The following ERP44 variants were observed in gnomAD, a reference collection of about 807,000 sequenced individuals.
The protein encoded by ERP44 is endoplasmic reticulum resident protein 44.
ERP44 carries 25 observed loss-of-function variants against 53.4 expected under a neutral mutation model. The ratio of observed to expected loss-of-function variants is 0.47; its 90% CI spans 0.34 to 0.65. The LOEUF is 0.65. Ranked by LOEUF, ERP44 falls within the 30% of genes least tolerant of loss-of-function variation. The probability of loss-of-function intolerance (pLI) is 0.01; values close to 1 mark genes in which losing one functional copy is unlikely to be tolerated. For synonymous variants in ERP44, 145 were observed against 161.2 expected, an observed-to-expected ratio of 0.90 and a Z score of 0.76; for missense variants, 338 against 493.2, an observed-to-expected ratio of 0.69 and a Z score of 2.98.
intron 2 of ERP44, 96 bp from the exon 3 acceptor site, chr9:100,057,955 C>T (rs1044251578): frequency 1.1e-6 from 1 of 951,878 alleles, no homozygotes; most frequent in Non-Finnish European, 1.6e-6. Context: ...ATATAAGGGT[C>T]CACTTAAAAA....
At chr9:100,077,552 C>G (rs1370898515) in intron 1 of ERP44, among the ~76,000 whole-genome samples, 1 of 152,206 alleles carries the variant, frequency 6.6e-6, no homozygotes, top group East Asian at 1.9e-4. Flanking sequence ...CTCACCATCA[C>G]CCCTAGTGAT....
intron 1 of ERP44, among the ~76,000 whole-genome samples, chr9:100,081,222 AAAAT>A (rs1462665334): frequency 1.3e-5 from 2 of 152,098 alleles, no homozygotes; most frequent in Non-Finnish European, 2.9e-5. Context: ...TGGAAATTAA[AAAAT>A]AAATAAAATA....
intron 1 of ERP44, among the ~76,000 whole-genome samples, chr9:100,089,062 T>C (rs1826519161): frequency 6.6e-6 from 1 of 152,214 alleles, no homozygotes; most frequent in Admixed American, 6.5e-5. Context: ...TTATAAGTTT[T>C]AAATTGCATG....
At chr9:100,004,372 G>C (rs1295291185) in intron 10 of ERP44, among the ~76,000 whole-genome samples, 1 of 152,196 alleles carries the variant, frequency 6.6e-6, no homozygotes, top group African/African-American at 2.4e-5. Flanking sequence ...CACTGGGTTT[G>C]GCCTGGTGCT....
At chr9:100,048,822 T>G (rs1282610083) in intron 4 of ERP44, among the ~76,000 whole-genome samples, 3 of 152,154 alleles carry the variant, frequency 2.0e-5, no homozygotes, top group African/African-American at 7.2e-5. Flanking sequence ...TAATCGCATT[T>G]GTAGAAAAAG....
At chr9:100,054,735 TATTTCA>T (rs1412709037) in intron 3 of ERP44, among the ~76,000 whole-genome samples, 1 of 152,182 alleles carries the variant, frequency 6.6e-6, no homozygotes, top group African/African-American at 2.4e-5. Flanking sequence ...TGGTCTCAAG[TATTTCA>T]GATAAGGGAT....
chr9:100,069,286 A>G (rs1428473597), intron 1 of ERP44, among the ~76,000 whole-genome samples: 4 of 149,544 alleles, frequency 2.7e-5, no homozygotes, highest in Non-Finnish European at 5.9e-5. Flanking sequence ...AGAATGATCA[A>G]TAAAAAAAAA....
At chr9:100,012,633 CA>C (rs1365210137) in intron 8 of ERP44, among the ~76,000 whole-genome samples, 1 of 151,996 alleles carries the variant, frequency 6.6e-6, no homozygotes, top group Non-Finnish European at 1.5e-5. Context: ...AAAGGTATAC[CA>C]AAAATGTACC....
At chr9:100,092,131 GC>G (rs1453500742) in intron 1 of ERP44, among the ~76,000 whole-genome samples, 2 of 152,202 alleles carry the variant, frequency 1.3e-5, no homozygotes, top group African/African-American at 4.8e-5. Flanking sequence ...TGCAGCCTGG[GC>G]CATAGATGAG....
chr9:100,040,856 C>T (rs1027823566), intron 4 of ERP44, among the ~76,000 whole-genome samples: 1 of 151,946 alleles, frequency 6.6e-6, no homozygotes, highest in Non-Finnish European at 1.5e-5. Flanking sequence ...CATTTTTATA[C>T]GCTAACAGTG....
At chr9:100,006,841 G>T (rs577399228) in intron 9 of ERP44, among the ~76,000 whole-genome samples, 194 bp from the exon 10 acceptor site, 130 of 152,282 alleles carry the variant, frequency 8.5e-4, no homozygotes, top group African/African-American at 2.9e-3. Flanking sequence ...AGGGCACAGA[G>T]TATAACTTCT....
chr9:100,068,849 G>C (rs185457274), intron 1 of ERP44, among the ~76,000 whole-genome samples: 1 of 152,216 alleles, frequency 6.6e-6, no homozygotes, highest in Non-Finnish European at 1.5e-5. Context: ...GGAATGGAAA[G>C]GGGGGAAAGG....
intron 1 of ERP44, among the ~76,000 whole-genome samples, chr9:100,067,377 G>C (rs1180220877): frequency 6.6e-6 from 1 of 152,344 alleles, no homozygotes; most frequent in African/African-American, 2.4e-5. Context: ...TTTTTTGGTG[G>C]AGACGGGGTT....
intron 2 of ERP44, among the ~76,000 whole-genome samples, chr9:100,059,546 G>C (rs1486707807): frequency 6.6e-6 from 1 of 152,074 alleles, no homozygotes; most frequent in African/African-American, 2.4e-5. Context: ...AATTAGCTAC[G>C]TGCAGTGGAG....
chr9:100,060,249 ATG>A (rs1040238724), intron 1 of ERP44, 77 bp from the exon 2 acceptor site: 12 of 1,312,018 alleles, frequency 9.1e-6, no homozygotes, highest in Non-Finnish European at 9.8e-6. Flanking sequence ...CTAAAAATAA[ATG>A]TGTGATTCCA....
At chr9:100,025,513 A>G (rs144467086) in intron 4 of ERP44, among the ~76,000 whole-genome samples, 1 of 152,316 alleles carries the variant, frequency 6.6e-6, no homozygotes, top group East Asian at 1.9e-4. Context: ...AGAATGAAAG[A>G]GACAAATTTT....
chr9:99,987,637 T>C (rs1830208588), intron 10 of ERP44, among the ~76,000 whole-genome samples: 1 of 152,252 alleles, frequency 6.6e-6, no homozygotes, highest in Non-Finnish European at 1.5e-5. Flanking sequence ...TACCAGCTTC[T>C]CAAATCAGGT....
chr9:100,010,519 G>A (rs1830464770), intron 8 of ERP44, among the ~76,000 whole-genome samples: 1 of 152,052 alleles, frequency 6.6e-6, no homozygotes, highest in African/African-American at 2.4e-5. Context: ...AATTTTCCTG[G>A]GCCTCTGAGG....
intron 1 of ERP44, among the ~76,000 whole-genome samples, chr9:100,066,112 A>G (rs192984372): frequency 1.3e-5 from 2 of 152,352 alleles, no homozygotes; most frequent in East Asian, 1.9e-4. Flanking sequence ...TATGCACACT[A>G]AAGTTCAGGA....
Sources: gnomAD v4.1 joint callset for allele counts (sites outside exome capture counted in the v4.1 genomes callset) on GRCh38, gnomAD v4.1.1 for gene constraint, MANE v1.5 for transcripts, NCBI Gene and HGNC (gene_info 2026-07-23, HGNC 2026-07-21) for gene names.